ARHGEF3: variants seen among roughly 807,000 people sequenced by gnomAD.
ARHGEF3 encodes 59.8 kDA protein.
In ARHGEF3, 28 loss-of-function variants were observed where a neutral mutation model predicts 63.2. The ratio of observed to expected loss-of-function variants is 0.44; its 90% CI spans 0.33 to 0.61. The LOEUF (loss-of-function observed/expected upper bound fraction) is 0.61. ARHGEF3 is among the 20% of genes least tolerant of loss of function. ARHGEF3 has a pLI of 0.03. For synonymous variants in ARHGEF3, 266 were observed against 254.2 expected, an observed-to-expected ratio of 1.05 and a Z score of -0.44; for missense variants, 533 against 659.3, an observed-to-expected ratio of 0.81 and a Z score of 2.10.
intron 4 of ARHGEF3, among the ~76,000 whole-genome samples, chr3:56,867,717 C>A (rs898576921): frequency 6.6e-6 from 1 of 152,122 alleles, no homozygotes; most frequent in East Asian, 1.9e-4. Context: ...GCAATCCTCC[C>A]GCCTCAGCCT....
rs113361258 is a variant in ARHGEF3 at position 56,944,962 on chromosome 3, T to G, written c.129+13861A>C. On this transcript the variant is annotated intron_variant, in intron 3 of 12. Transcript: ENST00000338458. ...AAATGATAACAAAGGATTTAGGATA[T>G]TCCATAAACTGAATTGATAAAGCAA... 1.7e-3 allele frequency among the ~76,000 whole-genome samples: 256 copies of G among 152,292 alleles called. 2 individuals carry two copies. The highest frequency in any genetic ancestry group is 6.0e-3 in the African/African-American group (249 of 41,560).
chr3:56,782,543 C>T (rs544450414), intron 1 of ARHGEF3, among the ~76,000 whole-genome samples: 1 of 151,886 alleles, frequency 6.6e-6, no homozygotes, highest in Admixed American at 6.6e-5. Flanking sequence ...AGTTGCCTCA[C>T]ATTAGGCATC....
At chr3:56,860,517 C>G (rs1477649878) in intron 4 of ARHGEF3, among the ~76,000 whole-genome samples, 2 of 152,106 alleles carry the variant, frequency 1.3e-5, no homozygotes, top group Non-Finnish European at 2.9e-5. Context: ...TGTCATTTTA[C>G]AATCAAATGG....
chr3:56,760,677 G>C (rs1317615381), intron 2 of ARHGEF3, among the ~76,000 whole-genome samples: 1 of 151,800 alleles, frequency 6.6e-6, no homozygotes, highest in African/African-American at 2.4e-5. Context: ...ACCAGATCTG[G>C]TTCCAACAGA....
intron 7 of ARHGEF3, among the ~76,000 whole-genome samples, chr3:56,739,926 T>C (rs2033902453): frequency 6.9e-6 from 1 of 145,278 alleles, no homozygotes; most frequent in African/African-American, 2.6e-5. Flanking sequence ...TGAGACGGAG[T>C]CTTGTTCTTG....
intron 3 of ARHGEF3, among the ~76,000 whole-genome samples, chr3:56,925,670 G>C (rs1578860147): frequency 6.6e-6 from 1 of 152,256 alleles, no homozygotes. Context: ...GATGAGGAAA[G>C]AGGCTCAGAA....
In ARHGEF3 at chr3:56,745,441, C is replaced by G. The variant is rs1406813993; in HGVS notation, c.634G>C (p.Asp212His). The G allele has an allele frequency of 6.2e-7, 1 of 1,613,810 alleles. No homozygotes were observed. The highest frequency in any genetic ancestry group is 8.5e-7 in the Non-Finnish European group (1 of 1,179,998). The part of the protein sequence containing the change: ...VGWLPCLSSY[D>H]SYCSNQVAAK... ...GCTACTTGATTGCTGCAGTAGCTAT[C>G]ATAGGAGCTGAGGCAAGGGAGCTAA... The change falls in exon 7 of 10, where the codon GAT becomes CAT. Residue 212 changes from aspartate (D) to histidine (H), a missense_variant. Physicochemically the swap from Asp to His is moderately conservative, Grantham distance 81. Around this residue, in one of 4 missense-constraint regions of ARHGEF3, gnomAD observed 107 missense variants for 207.9 expected, o/e 0.51. Transcript: ENST00000296315.
At chr3:56,840,052 T>C (rs530657529) in intron 4 of ARHGEF3, among the ~76,000 whole-genome samples, 1 of 152,238 alleles carries the variant, frequency 6.6e-6, no homozygotes, top group African/African-American at 2.4e-5. Context: ...TAAGAGGAAA[T>C]GGAGGATCAG....
At chr3:57,078,740 G>C (rs968127612) in intron 1 of ARHGEF3, 1 of 152,478 alleles carries the variant, frequency 6.6e-6, no homozygotes, top group Non-Finnish European at 1.5e-5. Flanking sequence ...AGTGACCCGC[G>C]GCCCTGTGAG....
At chr3:57,003,680 C>G (rs1702352419) in intron 2 of ARHGEF3, among the ~76,000 whole-genome samples, 1 of 152,084 alleles carries the variant, frequency 6.6e-6, no homozygotes, top group Non-Finnish European at 1.5e-5. Context: ...CGTGGATTCT[C>G]CAGGTGGGCC....
intron 2 of ARHGEF3, among the ~76,000 whole-genome samples, chr3:56,992,670 C>T (rs1307753332): frequency 1.3e-5 from 2 of 152,108 alleles, no homozygotes; most frequent in Non-Finnish European, 2.9e-5. Context: ...GCACATAGCA[C>T]AGAGGACAAT....
intron 2 of ARHGEF3, among the ~76,000 whole-genome samples, chr3:57,029,378 G>C (rs1431118348): frequency 6.6e-6 from 1 of 151,592 alleles, no homozygotes; most frequent in Non-Finnish European, 1.5e-5. Context: ...GCAGTGAGCA[G>C]AGATCATGCC....
intron 3 of ARHGEF3, among the ~76,000 whole-genome samples, chr3:56,904,197 CTT>C (rs1395244101): frequency 6.6e-6 from 1 of 151,912 alleles, no homozygotes; most frequent in Non-Finnish European, 1.5e-5. Context: ...GCCCAGCTAA[CTT>C]TTGTATTTTC....
At chr3:56,748,226 C>T (rs566822952) in intron 6 of ARHGEF3, among the ~76,000 whole-genome samples, 2 of 152,234 alleles carry the variant, frequency 1.3e-5, no homozygotes, top group South Asian at 2.1e-4. Context: ...GACAGGGTTT[C>T]GCCATGTTGC....
intron 4 of ARHGEF3, among the ~76,000 whole-genome samples, chr3:56,752,012 T>C (rs978110021): frequency 6.6e-6 from 1 of 152,192 alleles, no homozygotes. Flanking sequence ...AAAACTAAAA[T>C]ATTTTCTAGT....
intron 3 of ARHGEF3, among the ~76,000 whole-genome samples, chr3:56,944,444 G>A (rs1161876806): frequency 1.3e-5 from 2 of 152,100 alleles, no homozygotes; most frequent in Non-Finnish European, 2.9e-5. Flanking sequence ...CAGATGTGGT[G>A]AAAATAGCAA....
intron 2 of ARHGEF3, among the ~76,000 whole-genome samples, chr3:56,959,502 T>C (rs1221417693): frequency 6.6e-6 from 1 of 152,212 alleles, no homozygotes; most frequent in East Asian, 1.9e-4. Flanking sequence ...TTCTGTCTCC[T>C]AATCAAATTT....
At chr3:56,926,049 C>T (rs905834286) in intron 3 of ARHGEF3, among the ~76,000 whole-genome samples, 1 of 152,224 alleles carries the variant, frequency 6.6e-6, no homozygotes, top group Non-Finnish European at 1.5e-5. Context: ...AGACGCAGAC[C>T]TGTACACAAT....
At chr3:56,781,503 G>A (rs1367003969) in intron 1 of ARHGEF3, among the ~76,000 whole-genome samples, 1 of 152,048 alleles carries the variant, frequency 6.6e-6, no homozygotes, top group Non-Finnish European at 1.5e-5. Flanking sequence ...GCCTTGGCCT[G>A]CCAAAGTGCT....
Sources: allele counts gnomAD v4.1 joint callset (sites outside exome capture counted in the v4.1 genomes callset), GRCh38; gene constraint gnomAD v4.1.1; regional missense constraint gnomAD v4.1.1; transcripts MANE v1.5; gene names NCBI Gene and HGNC (gene_info 2026-07-23, HGNC 2026-07-21).